Variants in ESRRG observed in about 807,000 individuals in gnomAD.
ESRRG encodes the protein estrogen related receptor gamma.
A neutral mutation model predicts 44.0 loss-of-function variants in ESRRG; 13 were observed. That is an observed-to-expected ratio of 0.30 (90% confidence interval 0.19 to 0.47). ESRRG has a LOEUF of 0.47. Among genes scored for constraint, ESRRG ranks in the 20% least tolerant of loss-of-function variants. The pLI, the probability that ESRRG is intolerant of heterozygous loss-of-function variation, is 1.00. For missense variants in ESRRG, 395 were observed against 580.6 expected, an observed-to-expected ratio of 0.68 and a Z score of 3.29; for synonymous variants, 215 against 214.6, an observed-to-expected ratio of 1.00 and a Z score of -0.02.
At chr1:216,530,467 A>G (rs1392602017) in intron 5 of ESRRG, among the ~76,000 whole-genome samples, 1 of 152,144 alleles carries the variant, frequency 6.6e-6, no homozygotes, top group Non-Finnish European at 1.5e-5. Flanking sequence ...TACTGCTTGC[A>G]TTAATGAAGG....
chr1:217,022,055 C>T (rs1271125047), intron 1 of ESRRG, among the ~76,000 whole-genome samples: 1 of 152,164 alleles, frequency 6.6e-6, no homozygotes, highest in Non-Finnish European at 1.5e-5. Flanking sequence ...TTATGGTGTG[C>T]TCGGTCTCAT....
At chr1:216,707,604 G>T in intron 1 of ESRRG, 1 of 981,982 alleles carries the variant, frequency 1.0e-6, no homozygotes, top group Non-Finnish European at 1.4e-6. Flanking sequence ...TTTTTACATT[G>T]GAGACTTAGG....
chr1:216,591,637 T>A (rs2057684852), intron 3 of ESRRG, among the ~76,000 whole-genome samples: 1 of 152,166 alleles, frequency 6.6e-6, no homozygotes, highest in Non-Finnish European at 1.5e-5. Flanking sequence ...GCATGGAACA[T>A]ACAAAACCAG....
At chr1:216,962,213 C>G (rs934166953) in intron 1 of ESRRG, among the ~76,000 whole-genome samples, 1 of 152,132 alleles carries the variant, frequency 6.6e-6, no homozygotes. Flanking sequence ...GAGAGTAGCT[C>G]CCTTACTACA....
At chr1:216,619,479 G>A (rs1298843087) in intron 3 of ESRRG, among the ~76,000 whole-genome samples, 1 of 152,066 alleles carries the variant, frequency 6.6e-6, no homozygotes, top group East Asian at 1.9e-4. Flanking sequence ...ACCTTCATTG[G>A]CTTTCAAATA....
intron 1 of ESRRG, among the ~76,000 whole-genome samples, chr1:217,122,833 G>T (rs1220617447): frequency 6.6e-6 from 1 of 151,664 alleles, no homozygotes; most frequent in African/African-American, 2.4e-5. Context: ...GCCATGACCA[G>T]CTAATTTTCT....
intron 2 of ESRRG, among the ~76,000 whole-genome samples, chr1:216,898,750 A>T (rs1388637607): frequency 6.6e-6 from 1 of 150,638 alleles, no homozygotes; most frequent in African/African-American, 2.4e-5. Context: ...GAATTTTTCC[A>T]TAGAAACCAA....
intron 2 of ESRRG, among the ~76,000 whole-genome samples, chr1:216,809,692 G>A (rs12760372): frequency 0.55 from 84,141 of 151,900 alleles, 24,217 homozygotes; most frequent in Non-Finnish European, 0.64. Context: ...GGAAAGCAAC[G>A]TCTTCACCAG....
intron 2 of ESRRG, among the ~76,000 whole-genome samples, chr1:216,663,899 A>C (rs1953522): frequency 0.54 from 81,887 of 151,976 alleles, 24,237 homozygotes; most frequent in South Asian, 0.69. Context: ...TCAGATGATA[A>C]AAATCCAGAG....
chr1:216,987,550 G>C (rs1471407447), intron 1 of ESRRG, among the ~76,000 whole-genome samples: 7 of 152,138 alleles, frequency 4.6e-5, no homozygotes, highest in East Asian at 3.9e-4. Context: ...ACAAATGAAG[G>C]GATACAGAGA....
At chr1:216,761,552 T>C (rs1348085353) in intron 2 of ESRRG, among the ~76,000 whole-genome samples, 1 of 152,150 alleles carries the variant, frequency 6.6e-6, no homozygotes, top group Non-Finnish European at 1.5e-5. Flanking sequence ...TGGGCTGACT[T>C]GGGTTCACTG....
At chr1:217,052,317 A>C (rs1408002521) in intron 1 of ESRRG, among the ~76,000 whole-genome samples, 2 of 152,222 alleles carry the variant, frequency 1.3e-5, no homozygotes, top group African/African-American at 4.8e-5. Context: ...GATCAACTTT[A>C]AGATTTGGTG....
chr1:216,914,307 A>G (rs141739941), intron 2 of ESRRG, among the ~76,000 whole-genome samples: 189 of 152,310 alleles, frequency 1.2e-3, no homozygotes, highest in African/African-American at 4.2e-3. Context: ...CAGCATATTC[A>G]TATGTGTACT....
At chr1:217,050,754 T>C (rs919392167) in intron 1 of ESRRG, among the ~76,000 whole-genome samples, 1 of 152,142 alleles carries the variant, frequency 6.6e-6, no homozygotes, top group South Asian at 2.1e-4. Context: ...TCACAGCAGA[T>C]AGACTCTCAC....
intron 6 of ESRRG, among the ~76,000 whole-genome samples, chr1:216,513,817 C>T (rs1000627603): frequency 1.3e-5 from 2 of 152,082 alleles, no homozygotes; most frequent in Non-Finnish European, 2.9e-5. Flanking sequence ...CATTTTGCTA[C>T]AAGTCATAAA....
chr1:216,667,031 G>C (rs2074085809), intron 2 of ESRRG, among the ~76,000 whole-genome samples: 3 of 152,122 alleles, frequency 2.0e-5, no homozygotes. Context: ...GAGTAACCCA[G>C]ACGGGTCAGG....
chr1:216,895,174 AT>A (rs2058274099), intron 2 of ESRRG, among the ~76,000 whole-genome samples: 1 of 152,168 alleles, frequency 6.6e-6, no homozygotes, highest in Admixed American at 6.5e-5. Context: ...AACAGAGCTA[AT>A]TTTTTAATAA....
At chr1:216,873,503 CGGGCCCGGCCA>C (rs968816269) in intron 2 of ESRRG, among the ~76,000 whole-genome samples, 3 of 152,016 alleles carry the variant, frequency 2.0e-5, no homozygotes, top group African/African-American at 7.2e-5. Flanking sequence ...CATGAGCCAC[CGGGCCCGGCCA>C]GGAGTTCATA....
chr1:216,813,665 G>C (rs1000747448), intron 2 of ESRRG, among the ~76,000 whole-genome samples: 2 of 152,180 alleles, frequency 1.3e-5, no homozygotes, highest in African/African-American at 4.8e-5. Flanking sequence ...TGGTGAAATA[G>C]TAAAACCTGC....
Sources: allele counts gnomAD v4.1 joint callset (sites outside exome capture counted in the v4.1 genomes callset), GRCh38; gene constraint gnomAD v4.1.1; transcripts MANE v1.5; gene names NCBI Gene and HGNC (gene_info 2026-07-23, HGNC 2026-07-21).